Variants in F8 observed in about 807,000 individuals in gnomAD.
F8 encodes the protein coagulation factor VIII.
In F8, 12 loss-of-function variants were observed where a neutral mutation model predicts 140.6. The ratio of observed to expected loss-of-function variants is 0.09; its 90% CI spans 0.05 to 0.14. The LOEUF is 0.14. Ranked by LOEUF, F8 falls within the 10% of genes least tolerant of loss-of-function variation. F8 has a pLI of 1.00. For synonymous variants in F8, 585 were observed against 614.6 expected (o/e 0.95, Z 0.71); for missense variants, 1,354 against 1,720.7 (o/e 0.79, Z 3.77).
chrX:154,996,104 G>A (rs781793910), intron 3 of F8, among the ~76,000 whole-genome samples: 11 of 111,854 alleles, frequency 9.8e-5, no homozygotes, highest in Non-Finnish European at 1.7e-4. Context: ...TTGGCCACTC[G>A]TTTCTCCACC....
At chrX:155,001,312 CTTTTTTT>C (rs35281198) in intron 1 of F8, among the ~76,000 whole-genome samples, 19 of 75,956 alleles carry the variant, frequency 2.5e-4, no homozygotes, top group African/African-American at 8.2e-4. Context: ...TATCGTAAAT[CTTTTTTT>C]TTTTTTTTTT....
chrX:154,926,899 G>A (rs1330011223), intron 14 of F8, among the ~76,000 whole-genome samples: 1 of 111,816 alleles, frequency 8.9e-6, no homozygotes. Flanking sequence ...CACAGAGTGA[G>A]TATAAATAGA....
At chrX:154,965,349 C>T (rs782172697) in intron 9 of F8, among the ~76,000 whole-genome samples, 8 of 111,562 alleles carry the variant, frequency 7.2e-5, no homozygotes, top group Admixed American at 1.9e-4. Flanking sequence ...ATGGAACCAA[C>T]GACCAATCTT....
intron 5 of F8, among the ~76,000 whole-genome samples, chrX:154,985,253 T>A (rs1450685127): frequency 1.8e-5 from 2 of 110,561 alleles, no homozygotes; most frequent in African/African-American, 6.6e-5. Context: ...CTGGCCAACA[T>A]GGTGAAACCC....
intron 14 of F8, chrX:154,909,121 C>T: frequency 3.6e-6 from 1 of 279,005 alleles, no homozygotes; most frequent in Non-Finnish European, 6.9e-6. Flanking sequence ...CACATTGTCC[C>T]CAAGAAGAGC....
intron 7 of F8, among the ~76,000 whole-genome samples, chrX:154,967,163 C>A (rs183915500): frequency 2.7e-4 from 30 of 111,644 alleles, no homozygotes; most frequent in South Asian, 7.6e-4. Flanking sequence ...AAGTACCCCC[C>A]CTTTCCACAT....
At chrX:154,911,939 A>G (rs945664726) in intron 14 of F8, among the ~76,000 whole-genome samples, 1 of 112,269 alleles carries the variant, frequency 8.9e-6, no homozygotes. Flanking sequence ...GTTTGCATTT[A>G]TCTGGTAATT....
At chrX:154,867,736 A>G (rs1441074157) in intron 22 of F8, among the ~76,000 whole-genome samples, 2 of 108,792 alleles carry the variant, frequency 1.8e-5, no homozygotes. Flanking sequence ...ATGAAAAGAA[A>G]AGAAAGAAAA....
intron 7 of F8, among the ~76,000 whole-genome samples, 181 bp downstream of exon 7, chrX:154,969,149 TA>T: frequency 1.8e-5 from 2 of 111,504 alleles, no homozygotes; most frequent in East Asian, 5.6e-4. Context: ...AGCCCTTTTA[TA>T]GTCAAGGTAA....
chrX:154,931,961 T>C (rs970598929), intron 13 of F8, among the ~76,000 whole-genome samples: 17 of 111,632 alleles, frequency 1.5e-4, no homozygotes, highest in Non-Finnish European at 3.0e-4. Context: ...TAATGGAGGG[T>C]CTTAATAGTG....
In F8 at chrX:154,993,086, C is replaced by T. The variant is rs1557284808; in HGVS notation, c.451G>A (p.Gly151Arg). 8.3e-7 allele frequency: 1 copy of T among 1,211,783 alleles called. No individual in the cohort carries two copies. Among genetic ancestry groups the T allele is most frequent in the South Asian group, 1.8e-5 (1 of 56,993 alleles). The change falls in exon 4 of 26, where the codon GGA (glycine) becomes AGA (arginine). Residue 151 changes from glycine to arginine, a missense_variant. By Grantham distance (125) the Gly-to-Arg change is moderately radical (BLOSUM62 -2). This residue lies in a region of F8 where 128 missense variants were observed against 230.4 expected (regional missense o/e 0.56). Transcript: ENST00000360256. ...EKEDDKVFPG[G>R]SHTYVWQVLK... Reference sequence around the variant, plus strand: ...ACCTGCCAGACATATGTATGGCTTCCACCAGGGAAGACTTTATCATCTTCT... The same window carrying T: ...ACCTGCCAGACATATGTATGGCTTCTACCAGGGAAGACTTTATCATCTTCT...
chrX:154,998,684 C>T (rs2073630511), intron 2 of F8, among the ~76,000 whole-genome samples: 1 of 111,938 alleles, frequency 8.9e-6, no homozygotes, highest in Admixed American at 9.5e-5. Context: ...GTTATCTAAT[C>T]CTGGCAGGAA....
chrX:154,924,339 T>C (rs1204438732), intron 14 of F8, among the ~76,000 whole-genome samples: 1 of 111,872 alleles, frequency 8.9e-6, no homozygotes, highest in Non-Finnish European at 1.9e-5. Context: ...CTCTAGAGAC[T>C]TGTTGAATGG....
chrX:154,943,769 T>C (rs1412343563), intron 13 of F8, among the ~76,000 whole-genome samples: 2 of 111,702 alleles, frequency 1.8e-5, no homozygotes, highest in Admixed American at 9.5e-5. Flanking sequence ...CTTCAAACTA[T>C]GCTACAAGGC....
At chrX:154,881,832 T>C (rs1238962627) in intron 22 of F8, among the ~76,000 whole-genome samples, 1 of 112,708 alleles carries the variant, frequency 8.9e-6, no homozygotes, top group African/African-American at 3.3e-5. Flanking sequence ...CTCAAAGTTC[T>C]AGTCAGGGCA....
chrX:154,950,298 C>T (rs781866738), intron 12 of F8, among the ~76,000 whole-genome samples: 5 of 111,954 alleles, frequency 4.5e-5, no homozygotes, highest in South Asian at 7.4e-4. Context: ...GTTTGGCTTT[C>T]GATGTTTGGA....
chrX:154,976,021 G>A (rs1029922828), intron 6 of F8, among the ~76,000 whole-genome samples: 10 of 110,437 alleles, frequency 9.1e-5, no homozygotes, highest in Admixed American at 1.9e-4. Flanking sequence ...TCAGCCTCCC[G>A]AGTAGCTGGG....
intron 4 of F8, among the ~76,000 whole-genome samples, chrX:154,990,678 T>G (rs1441661791): frequency 9.0e-6 from 1 of 111,495 alleles, no homozygotes; most frequent in Non-Finnish European, 1.9e-5. Context: ...AAAACCACAG[T>G]GTGTTATTTA....
intron 14 of F8, among the ~76,000 whole-genome samples, chrX:154,923,842 C>G (rs1184011310): frequency 9.0e-6 from 1 of 111,464 alleles, no homozygotes; most frequent in Admixed American, 9.5e-5. Flanking sequence ...TGTGGTGGCA[C>G]ATGCCTGTAG....
Sources: gnomAD v4.1 joint callset for allele counts (sites outside exome capture counted in the v4.1 genomes callset) on GRCh38, gnomAD v4.1.1 for gene constraint, gnomAD v4.1.1 regional missense constraint, MANE v1.5 for transcripts, NCBI Gene and HGNC (gene_info 2026-07-23, HGNC 2026-07-21) for gene names.